The following ADORA2A variants were observed in gnomAD, a reference collection of about 807,000 sequenced individuals.
The protein encoded by ADORA2A is adenosine receptor A2a.
A neutral mutation model predicts 18.4 loss-of-function variants in ADORA2A; 11 were observed. The observed-to-expected ratio is 0.60, with a 90% confidence interval of 0.38 to 0.99. The LOEUF is 0.99. Ranked by LOEUF, ADORA2A falls within the 50% of genes least tolerant of loss-of-function variation. The pLI is 0.01. For missense variants in ADORA2A, 449 were observed against 556.1 expected (o/e 0.81, Z 1.94); for synonymous variants, 218 against 237.3 (o/e 0.92, Z 0.75).
upstream of ADORA2A, among the ~76,000 whole-genome samples, chr22:24,425,455 G>A (rs2146857170): frequency 6.6e-6 from 1 of 151,628 alleles, no homozygotes; most frequent in Middle Eastern, 3.4e-3. Context: ...GGGTCTCCCA[G>A]CCTCTCCCTA....
intron 1 of ADORA2A, chr22:24,429,125 C>G (rs1423004361): frequency 6.6e-6 from 1 of 152,348 alleles, no homozygotes; most frequent in African/African-American, 2.4e-5. Context: ...GCAGCAGGCT[C>G]TGGGGGGTAT....
At position 24,441,609 on chromosome 22, in the gene ADORA2A, AC is replaced by A; in HGVS notation, c.*121del. On this transcript the variant is annotated 3_prime_UTR_variant, in exon 3 of 3. Transcript: ENST00000337539. ...GAGACCCTGAGGGCAGCCGGTTCCT[AC>A]TTTGGACTGAGAGAAGGGAGCCCCA... is the stretch of plus-strand genomic sequence containing the variant. 9.4e-7 allele frequency: 1 copy of A among 1,069,098 alleles called. No homozygotes were observed. Among genetic ancestry groups the A allele is most frequent in the Non-Finnish European group, 1.3e-6 (1 of 798,800 alleles). 66.2% of individuals were successfully genotyped at this position (1,069,098 alleles called of 1,614,324 possible).
At chr22:24,424,543 G>C (rs930081552), upstream of ADORA2A, 3 of 152,210 alleles carry the variant, frequency 2.0e-5, no homozygotes, top group Non-Finnish European at 4.4e-5. The surrounding 1 kb of genome is among the most constrained non-coding windows in gnomAD (Gnocchi z 4.9). Flanking sequence ...GGCGGAGACC[G>C]GTTCCCCGGG....
upstream of ADORA2A, among the ~76,000 whole-genome samples, chr22:24,425,433 G>A (rs535323770): frequency 2.3e-4 from 34 of 149,392 alleles, no homozygotes; most frequent in African/African-American, 8.1e-4. Context: ...CTTGTTCTGC[G>A]CTTGCTTTTT....
upstream of ADORA2A, among the ~76,000 whole-genome samples, chr22:24,424,888 C>T (rs1471512428): frequency 6.6e-6 from 1 of 151,844 alleles, no homozygotes; most frequent in East Asian, 1.9e-4. The surrounding 1 kb of genome is among the most constrained non-coding windows in gnomAD (Gnocchi z 4.9). Context: ...TTAGTTGCCC[C>T]GACTGTACCA....
rs201181215 is a variant in ADORA2A at position 24,441,136 on chromosome 22, C to T, written c.886C>T (p.Arg296Cys). 4 of 1,614,192 alleles carry T rather than the reference C, an allele frequency of 2.5e-6. No homozygotes were observed. The highest frequency in any genetic ancestry group is 1.7e-5 in the Admixed American group (1 of 60,030). ...FIYAYRIREF[R>C]QTFRKIIRSH... ...CTACGCCTACCGTATCCGCGAGTTCCGCCAGACCTTCCGCAAGATCATTCG... is the reference window on the plus strand; with the variant it reads ...CTACGCCTACCGTATCCGCGAGTTCTGCCAGACCTTCCGCAAGATCATTCG... Residue 296 changes from arginine to cysteine, a missense_variant, in exon 3 of 3, where the codon CGC (arginine) becomes TGC (cysteine). Arg to Cys is a radical substitution (Grantham distance 180, BLOSUM62 -3). Transcript: ENST00000337539.
intron 1 of ADORA2A, among the ~76,000 whole-genome samples, chr22:24,428,675 CCTTT>C (rs1462731176): frequency 6.6e-6 from 1 of 152,180 alleles, no homozygotes; most frequent in Non-Finnish European, 1.5e-5. Flanking sequence ...CTGTTGCTTA[CCTTT>C]CTTAGCCTTC....
chr22:24,441,438 G>A lies in ADORA2A; in HGVS notation c.1188G>A (p.Glu396=). 1 of 1,523,438 alleles carries A rather than the reference G, an allele frequency of 6.6e-7. No homozygotes were observed. Among genetic ancestry groups the A allele is most frequent in the Non-Finnish European group, 8.8e-7 (1 of 1,138,088 alleles). The allele number at this position is 1,523,438 out of a possible 1,614,324, so 94.4% of individuals were successfully genotyped here. The change falls in exon 3 of 3, where the codon GAG becomes GAA. Residue 396 remains glutamate (E), a synonymous_variant. Coordinates refer to ENST00000337539, the MANE Select transcript of ADORA2A (RefSeq NM_000675.6). ...LSHELKGVCP[E]PPGLDDPLAQ... is the part of the protein sequence containing the mutation. ...ATGAGCTCAAGGGAGTGTGCCCAGA[G>A]CCCCCTGGCCTAGATGACCCCCTGG...
chr22:24,438,807 GTTTCTCTT>G (rs1042536007), intron 2 of ADORA2A: 4 of 152,102 alleles, frequency 2.6e-5, no homozygotes, highest in East Asian at 1.9e-4. Flanking sequence ...AGCCACCAGG[GTTTCTCTT>G]TTTCTCTTTT....
chr22:24,433,257 G>A lies in ADORA2A; in HGVS notation c.-148G>A. ...CCTTGGAGAGCGCCCCAGCAGGGCT[G>A]CACTTGGCTCCTGTGAGGAAGGGGC... On this transcript the variant is annotated 5_prime_UTR_variant, in exon 2 of 3. Coordinates refer to ENST00000337539, the MANE Select transcript of ADORA2A (RefSeq NM_000675.6). 1 of 724,714 alleles carries A rather than the reference G, an allele frequency of 1.4e-6. No homozygotes were observed. The highest frequency in any genetic ancestry group is 2.9e-5 in the Admixed American group (1 of 34,886). The allele number at this position is 724,714 out of a possible 1,614,324, so 44.9% of individuals were successfully genotyped here. A position where few individuals can be genotyped will look rare whatever the true frequency, so the allele number is the denominator to read the frequency against.
intron 2 of ADORA2A, among the ~76,000 whole-genome samples, chr22:24,438,000 A>C (rs1408276571): frequency 5.3e-5 from 8 of 152,270 alleles, no homozygotes; most frequent in Non-Finnish European, 5.9e-5. Context: ...AAACCAGCAA[A>C]GCAGGTGGCC....
chr22:24,428,111 C>T (rs2042945851), intron 1 of ADORA2A, among the ~76,000 whole-genome samples: 1 of 152,194 alleles, frequency 6.6e-6, no homozygotes, highest in South Asian at 2.1e-4. Flanking sequence ...TGGGTGGCTG[C>T]TTACCACTGG....
At chr22:24,426,295 C>T (rs973055675), upstream of ADORA2A, among the ~76,000 whole-genome samples, 4 of 152,310 alleles carry the variant, frequency 2.6e-5, no homozygotes, top group South Asian at 2.1e-4. Context: ...TCTATTGCAG[C>T]GCAAACAGAG....
chr22:24,433,264 G>A lies in ADORA2A; in HGVS notation c.-141G>A. 1 of 769,138 alleles carries A rather than the reference G, an allele frequency of 1.3e-6. No individual in the cohort carries two copies. The highest frequency in any genetic ancestry group is 2.0e-6 in the Non-Finnish European group (1 of 488,954). 47.6% of individuals were successfully genotyped at this position (769,138 alleles called of 1,614,324 possible). ...GAGCGCCCCAGCAGGGCTGCACTTG[G>A]CTCCTGTGAGGAAGGGGCTCAGGGG... On this transcript the variant is annotated 5_prime_UTR_variant, in exon 2 of 3. Transcript: ENST00000337539.
At chr22:24,427,881 T>A (rs1176515356) in intron 1 of ADORA2A, 135 bp downstream of exon 1, 1 of 152,432 alleles carries the variant, frequency 6.6e-6, no homozygotes, top group East Asian at 1.9e-4. Context: ...GGCTGCTCTG[T>A]GAGGCAGGCT....
chr22:24,439,019 C>A (rs944271344), intron 2 of ADORA2A, among the ~76,000 whole-genome samples: 2 of 137,478 alleles, frequency 1.5e-5, no homozygotes, highest in African/African-American at 5.3e-5. Flanking sequence ...GAGATGGTTT[C>A]TGTGGATGTT....
upstream of ADORA2A, among the ~76,000 whole-genome samples, chr22:24,426,673 G>C (rs934011181): frequency 6.6e-6 from 1 of 152,200 alleles, no homozygotes; most frequent in African/African-American, 2.4e-5. Flanking sequence ...AGGAGGCCTG[G>C]GCCCCTGCAG....
chr22:24,425,276 C>G (rs2042904518), upstream of ADORA2A, among the ~76,000 whole-genome samples: 1 of 151,362 alleles, frequency 6.6e-6, no homozygotes, highest in South Asian at 2.1e-4. Context: ...CTCACTGGCC[C>G]TGCTTTGGCC....
At position 24,441,354 on chromosome 22, in the gene ADORA2A, A is replaced by G; in HGVS notation, c.1104A>G (p.Gly368=). ...GCTATGCCCTGGGGCTGGTGAGTGG[A>G]GGGAGTGCCCAAGAGTCCCAGGGGA... ...PNGYALGLVS[G]GSAQESQGNT... Residue 368 remains glycine (G), a synonymous_variant, in exon 3 of 3, where the codon GGA becomes GGG. Transcript: ENST00000337539. The G allele has an allele frequency of 6.3e-7, 1 of 1,590,780 alleles. No individual in the cohort carries two copies. The highest frequency in any genetic ancestry group is 8.6e-7 in the Non-Finnish European group (1 of 1,167,640).
Sources: allele counts gnomAD v4.1 joint callset (sites outside exome capture counted in the v4.1 genomes callset), GRCh38; gene constraint gnomAD v4.1.1; non-coding constraint Gnocchi (gnomAD v3.1); transcripts MANE v1.5; gene names NCBI Gene and HGNC (gene_info 2026-07-23, HGNC 2026-07-21).